Variants in POFUT2 observed in about 807,000 individuals in gnomAD.
POFUT2 encodes the protein protein O-fucosyltransferase 2, also known as GDP-fucose protein O-fucosyltransferase 2.
Under a neutral mutation model 55.0 loss-of-function variants are expected in POFUT2, and 30 were observed. The ratio of observed to expected loss-of-function variants is 0.55; its 90% CI spans 0.41 to 0.74. The LOEUF (loss-of-function observed/expected upper bound fraction) is 0.74, where lower values mean the gene tolerates loss of function less well. Among genes scored for constraint, POFUT2 ranks in the 30% least tolerant of loss-of-function variants. POFUT2 has a pLI of 0.00. For missense variants in POFUT2, 524 were observed against 562.6 expected (o/e 0.93, Z 0.69); for synonymous variants, 267 against 231.1 (o/e 1.16, Z -1.41).
chr21:45,270,195 T>A lies in POFUT2; in HGVS notation c.832-176A>T, dbSNP rs966647201. The A allele has an allele frequency of 7.1e-6, 3 of 420,430 alleles. No homozygotes were observed. The East Asian group carries it at 1.1e-4, about 15-fold the overall frequency. 26.0% of individuals were successfully genotyped at this position (420,430 alleles called of 1,614,324 possible). On this transcript the variant is annotated intron_variant, in intron 6 of 8. Transcript: ENST00000349485. This position sits in a 1 kb window ranked among gnomAD's most constrained non-coding sequence, Gnocchi z 4.6. ...GGAATCTCGGGGGCGACCAGATGTCTTTCTAAGAAGACAGTGAAGCAGTAT... is the reference window on the plus strand; with the variant it reads ...GGAATCTCGGGGGCGACCAGATGTCATTCTAAGAAGACAGTGAAGCAGTAT...
Position 45,265,542 on chromosome 21 carries a change from C to T in POFUT2, c.1230G>A (p.Arg410=). The part of the protein sequence containing the change: ...LGLDPKTTYN[R]FCGDQEKACE... ...ACGCCTTCTCTTGGTCTCCGCAGAACCTGTTGTACGTCGTCTTGGGGTCCA... is the reference window on the plus strand; with the variant it reads ...ACGCCTTCTCTTGGTCTCCGCAGAATCTGTTGTACGTCGTCTTGGGGTCCA... Residue 410 remains arginine, a synonymous_variant, in exon 9 of 9, where the codon AGG becomes AGA. Coordinates refer to ENST00000349485, the MANE Select transcript of POFUT2 (RefSeq NM_133635.6). This position sits in a 1 kb window ranked among gnomAD's most constrained non-coding sequence, Gnocchi z 4.6. 1 of 1,614,140 alleles carries T rather than the reference C, an allele frequency of 6.2e-7. No homozygotes were observed. The highest frequency in any genetic ancestry group is 8.5e-7 in the Non-Finnish European group (1 of 1,180,008).
At chr21:45,276,936 CT>C (rs2093269906) in intron 6 of POFUT2, 80 bp downstream of exon 6, 1 of 1,496,662 alleles carries the variant, frequency 6.7e-7, no homozygotes, top group African/African-American at 1.4e-5. Flanking sequence ...CCTGCTGTGA[CT>C]TTACATGGAA....
intron 1 of POFUT2, among the ~76,000 whole-genome samples, chr21:45,286,933 G>A (rs2031478511): frequency 6.6e-6 from 1 of 152,188 alleles, no homozygotes. Context: ...TCACTGCGGA[G>A]CGCCCGCCCG....
At chr21:45,283,310 G>GGA in intron 3 of POFUT2, 73 bp downstream of exon 3, 1 of 437,656 alleles carries the variant, frequency 2.3e-6, no homozygotes, top group South Asian at 3.7e-5. Flanking sequence ...GCCTGAGGCG[G>GGA]GGGGGGGGGG....
At position 45,287,855 on chromosome 21, in the gene POFUT2, A is replaced by G; in HGVS notation, c.17T>C (p.Phe6Ser). Residue 6 changes from phenylalanine (F) to serine (S), a missense_variant, in exon 1 of 9, where the codon TTC (phenylalanine) becomes TCC (serine). Phe to Ser is a radical substitution (Grantham distance 155). Around this residue, in one of 2 missense-constraint regions of POFUT2, gnomAD observed 274 missense variants for 244.4 expected, o/e 1.12. Transcript: ENST00000349485. ...CACTGCCCCCAGCAGCAGGAAGACG[A>G]AGCTGAGTGTCGCCATGGCCCCGGG... Reference protein sequence around the residue: MATLSFVFLLLGAVSW... With the variant: MATLSSVFLLLGAVSW... 1.4e-6 allele frequency: 2 copies of G among 1,411,844 alleles called. No individual in the cohort carries two copies. Among genetic ancestry groups the G allele is most frequent in the Non-Finnish European group, 1.9e-6 (2 of 1,074,266 alleles). The allele number at this position is 1,411,844 out of a possible 1,614,324, so 87.5% of individuals were successfully genotyped here.
chr21:45,267,039 C>T lies in POFUT2; in HGVS notation c.1136+551G>A, dbSNP rs139364735. On this transcript the variant is annotated intron_variant, in intron 8 of 8. Coordinates refer to ENST00000349485, the MANE Select transcript of POFUT2 (RefSeq NM_133635.6). The surrounding 1 kb of genome is among the most constrained non-coding windows in gnomAD (Gnocchi z 4.4). ...CTCTGGGACGCTCACGGCAGCCCCA[C>T]GAGAATGATCACACGAGGGCCCACG... 6.3e-4 allele frequency: 676 copies of T among 1,071,394 alleles called. 2 individuals carry two copies. In the African/African-American group the frequency reaches 9.3e-3, roughly 15 times the overall value. The allele number at this position is 1,071,394 out of a possible 1,614,324, so 66.4% of individuals were successfully genotyped here. A position where few individuals can be genotyped will look rare whatever the true frequency, so the allele number is the denominator to read the frequency against.
At chr21:45,266,853 C>G in intron 8 of POFUT2, 1 of 1,006,930 alleles carries the variant, frequency 9.9e-7, no homozygotes, top group South Asian at 4.2e-5. Flanking sequence ...AGATCATTCC[C>G]TCTACTTTCA....
Position 45,267,990 on chromosome 21 carries a change from CTCTCCCTCTCCCCACGG to C in POFUT2, c.1013-294_1013-278del, listed in dbSNP as rs1008227087. ...GTGCTCCCTCTCCCTCTCCTTCTCCCTCTCCCTCTCCCCACGGTCTCCCTCTCTTTCCACGGTCTCCC... is the reference window on the plus strand; with the variant it reads ...GTGCTCCCTCTCCCTCTCCTTCTCCCTCTCCCTCTCTTTCCACGGTCTCCC... On this transcript the variant is annotated intron_variant, in intron 7 of 8. Transcript: ENST00000349485. The surrounding 1 kb of genome is among the most constrained non-coding windows in gnomAD (Gnocchi z 4.4). Among the ~76,000 whole-genome samples the C allele has an allele frequency of 2.0e-5, 3 of 151,900 alleles. No homozygotes were observed. The highest frequency in any genetic ancestry group is 7.3e-5 in the African/African-American group (3 of 41,332).
At chr21:45,280,354 C>T (rs1226521997) in intron 4 of POFUT2, among the ~76,000 whole-genome samples, 2 of 152,164 alleles carry the variant, frequency 1.3e-5, no homozygotes, top group East Asian at 3.9e-4. Context: ...GCAGGTTGCC[C>T]ATCTTCAGCT....
chr21:45,269,199 TCCGGGAGGTGAGGGGCGCCTCTGC>T (rs1347811219), intron 7 of POFUT2, among the ~76,000 whole-genome samples: 1 of 146,708 alleles, frequency 6.8e-6, no homozygotes, highest in Non-Finnish European at 1.5e-5. Context: ...AGCCGCCCCG[TCCGGGAGGTGAGGGGCGCCTCTGC>T]CCGGCCGCCC....
intron 7 of POFUT2, among the ~76,000 whole-genome samples, chr21:45,268,871 G>A (rs1428589434): frequency 5.1e-5 from 5 of 98,896 alleles, no homozygotes; most frequent in African/African-American, 2.0e-4. Context: ...GGGGGGGTCA[G>A]CACCCCGGGC....
At chr21:45,266,298 C>T in intron 8 of POFUT2, 1 of 1,366,392 alleles carries the variant, frequency 7.3e-7, no homozygotes, top group Non-Finnish European at 9.8e-7. Flanking sequence ...TACACAGAGC[C>T]ACAGGGCCAG....
rs1460007019 is a variant in POFUT2 at position 45,267,006 on chromosome 21, C to G, written c.1136+584G>C. ...GGAATGACTGCACGCAGGGCCCACGCTCCCGGCCTCTGGGACGCTCACGGC... is the reference window on the plus strand; with the variant it reads ...GGAATGACTGCACGCAGGGCCCACGGTCCCGGCCTCTGGGACGCTCACGGC... On this transcript the variant is annotated intron_variant, in intron 8 of 8. Transcript: ENST00000349485. The surrounding 1 kb of genome is among the most constrained non-coding windows in gnomAD (Gnocchi z 4.4). 5 of 1,058,204 alleles carry G rather than the reference C, an allele frequency of 4.7e-6. No individual in the cohort carries two copies. The highest frequency in any genetic ancestry group is 5.7e-6 in the Non-Finnish European group (5 of 874,058). 65.6% of individuals were successfully genotyped at this position (1,058,204 alleles called of 1,614,324 possible).
chr21:45,287,744 C>A lies in POFUT2; in HGVS notation c.128G>T (p.Arg43Ile). 6.9e-7 allele frequency: 1 copy of A among 1,447,618 alleles called. No homozygotes were observed. The highest frequency in any genetic ancestry group is 9.2e-7 in the Non-Finnish European group (1 of 1,091,606). 89.7% of individuals were successfully genotyped at this position (1,447,618 alleles called of 1,614,324 possible). A position where few individuals can be genotyped will look rare whatever the true frequency, so the allele number is the denominator to read the frequency against. Residue 43 changes from arginine to isoleucine, a missense_variant, in exon 1 of 9, where the codon AGA becomes ATA. Around this residue, in one of 2 missense-constraint regions of POFUT2, gnomAD observed 274 missense variants for 244.4 expected, o/e 1.12. Coordinates refer to ENST00000349485, the MANE Select transcript of POFUT2 (RefSeq NM_133635.6). Reference sequence around the variant, plus strand: ...GGCACCGTGGACGCGCGTTTACCGTCTGCGGGAAGCCGCCCCCGACAGAAT... The same window carrying A: ...GGCACCGTGGACGCGCGTTTACCGTATGCGGGAAGCCGCCCCCGACAGAAT... Reference protein sequence around the residue: ...ADILSGAASRRRYLLYDVNPP... With the variant: ...ADILSGAASRIRYLLYDVNPP...
At chr21:45,286,061 G>C in intron 1 of POFUT2, 133 bp from the exon 2 acceptor site, 2 of 731,244 alleles carry the variant, frequency 2.7e-6, no homozygotes, top group Non-Finnish European at 4.5e-6. Flanking sequence ...TGAAGGCAGT[G>C]AGTGGCCTGT....
In POFUT2 at chr21:45,285,473, T is replaced by C. The variant is rs1312084691; in HGVS notation, c.382+205A>G. 2 of 659,672 alleles carry C rather than the reference T, an allele frequency of 3.0e-6. No individual in the cohort carries two copies. Among genetic ancestry groups the C allele is most frequent in the Admixed American group, 2.1e-5 (1 of 46,626 alleles). The allele number at this position is 659,672 out of a possible 1,614,324, so 40.9% of individuals were successfully genotyped here. A position where few individuals can be genotyped will look rare whatever the true frequency, so the allele number is the denominator to read the frequency against. On this transcript the variant is annotated intron_variant, in intron 2 of 8. Coordinates refer to ENST00000349485, the MANE Select transcript of POFUT2 (RefSeq NM_133635.6). The surrounding 1 kb of genome is among the most constrained non-coding windows in gnomAD (Gnocchi z 4.9). ...TTCAGGTCCATTTCCGAGAAACATT[T>C]TGGGAAGCTCACTGCAGCGTGGGAA... is the stretch of plus-strand genomic sequence containing the variant.
Position 45,282,368 on chromosome 21 carries a change from G to A in POFUT2, c.619C>T (p.Leu207=). ...ACTCACCGGGCTGATGTGTTTCTCA[G>A]CAGCAGGGGCGCCACGATGGAGGCT... ...GSASIVAPLL[L]RNTSARSVML... Residue 207 remains leucine (L), a synonymous_variant, in exon 4 of 9, where the codon CTG becomes TTG. Transcript: ENST00000349485. The surrounding 1 kb of genome is among the most constrained non-coding windows in gnomAD (Gnocchi z 4.6). The A allele has an allele frequency of 6.2e-7, 1 of 1,612,190 alleles. No homozygotes were observed. Among genetic ancestry groups the A allele is most frequent in the African/African-American group, 1.3e-5 (1 of 75,028 alleles).
chr21:45,281,702 G>A lies in POFUT2; in HGVS notation c.638+647C>T, dbSNP rs2030662276. The stretch of plus-strand genomic sequence containing the variant: ...GTGCCCTGCTATGCCTGGTCTATGG[G>A]AGACGCTCACAGTGCCTGCTGGGGG... On this transcript the variant is annotated intron_variant, in intron 4 of 8. Coordinates refer to ENST00000349485, the MANE Select transcript of POFUT2 (RefSeq NM_133635.6). This position sits in a 1 kb window ranked among gnomAD's most constrained non-coding sequence, Gnocchi z 5.0. Among the ~76,000 whole-genome samples, 1 of 152,006 alleles carries A rather than the reference G, an allele frequency of 6.6e-6. No individual in the cohort carries two copies. The highest frequency in any genetic ancestry group is 2.1e-4 in the South Asian group (1 of 4,780).
chr21:45,274,489 G>A (rs1361824147), intron 6 of POFUT2, among the ~76,000 whole-genome samples: 1 of 152,086 alleles, frequency 6.6e-6, no homozygotes, highest in Non-Finnish European at 1.5e-5. Context: ...CCAAAACAGA[G>A]CCTACATAGC....
Sources: allele counts gnomAD v4.1 joint callset (sites outside exome capture counted in the v4.1 genomes callset), GRCh38; gene constraint gnomAD v4.1.1; regional missense constraint gnomAD v4.1.1; non-coding constraint Gnocchi (gnomAD v3.1); transcripts MANE v1.5; gene names NCBI Gene and HGNC (gene_info 2026-07-23, HGNC 2026-07-21).